BCL6: variants seen among roughly 807,000 people sequenced by gnomAD.
BCL6 encodes B-cell lymphoma 6 protein.
BCL6 carries 7 observed loss-of-function variants against 59.5 expected under a neutral mutation model. The observed-to-expected ratio is 0.12, with a 90% CI of 0.07 to 0.22. The LOEUF (loss-of-function observed/expected upper bound fraction) is 0.22. Among genes scored for constraint, BCL6 ranks in the 10% least tolerant of loss-of-function variants. The pLI is 1.00. For missense variants in BCL6, 685 were observed against 939.4 expected (o/e 0.73, Z 3.54); for synonymous variants, 339 against 349.7 (o/e 0.97, Z 0.34).
intron 6 of BCL6, among the ~76,000 whole-genome samples, chr3:187,727,824 A>C (rs1718798848): frequency 6.6e-6 from 1 of 152,160 alleles, no homozygotes; most frequent in Non-Finnish European, 1.5e-5. Context: ...TGTCTGGTAA[A>C]AACTGGGAAT....
intron 1 of BCL6, among the ~76,000 whole-genome samples, chr3:187,743,358 C>T (rs1301917709): frequency 1.3e-5 from 2 of 151,748 alleles, no homozygotes; most frequent in Non-Finnish European, 2.9e-5. Context: ...GGAGGGGGCG[C>T]GGAGTGGAGA....
At chr3:187,732,042 G>A (rs937767590) in intron 3 of BCL6, 112 bp from the exon 4 acceptor site, 15 of 839,304 alleles carry the variant, frequency 1.8e-5, no homozygotes, top group Middle Eastern at 3.0e-4. Flanking sequence ...GAACTTCTAC[G>A]GTAATTAATA....
intron 3 of BCL6, 34 bp downstream of exon 3, chr3:187,733,499 T>C (rs571324234): frequency 6.2e-7 from 1 of 1,605,360 alleles, no homozygotes; most frequent in Non-Finnish European, 8.5e-7. Context: ...CACCCCACTT[T>C]GACTTACCCA....
At chr3:187,724,760 G>T in intron 9 of BCL6, 181 bp downstream of exon 9, 1 of 825,674 alleles carries the variant, frequency 1.2e-6, no homozygotes, top group Non-Finnish European at 1.8e-6. Context: ...CAGGGTGTCT[G>T]GCCATTGGGC....
Position 187,721,764 on chromosome 3 carries a change from AAAATAC to A in BCL6, c.*688_*693del. ...TAAATTGTAAACCTTCACTTGCAAA[AAAATAC>A]AAATACACTGAGGCATTTTAGACAA... On this transcript the variant is annotated 3_prime_UTR_variant, in exon 10 of 10. Coordinates refer to ENST00000406870, the MANE Select transcript of BCL6 (RefSeq NM_001706.5). This position sits in a 1 kb window ranked among gnomAD's most constrained non-coding sequence, Gnocchi z 4.2. 1.3e-5 allele frequency: 3 copies of A among 231,852 alleles called. No individual in the cohort carries two copies. The highest frequency in any genetic ancestry group is 2.6e-5 in the Non-Finnish European group (3 of 117,042). 14.4% of individuals were successfully genotyped at this position (231,852 alleles called of 1,614,324 possible). A position where few individuals can be genotyped will look rare whatever the true frequency, so the allele number is the denominator to read the frequency against.
intron 1 of BCL6, among the ~76,000 whole-genome samples, chr3:187,744,290 A>C (rs1711764568): frequency 6.6e-6 from 1 of 152,066 alleles, no homozygotes; most frequent in Admixed American, 6.6e-5. Context: ...CCGCACACTG[A>C]AAGGCATCGC....
At chr3:187,727,276 C>T (rs1718758569) in intron 6 of BCL6, among the ~76,000 whole-genome samples, 1 of 152,218 alleles carries the variant, frequency 6.6e-6, no homozygotes, top group Non-Finnish European at 1.5e-5. Flanking sequence ...TACACAGAAG[C>T]CCTAGGGCAA....
At chr3:187,743,352 G>A (rs1560159993) in intron 1 of BCL6, among the ~76,000 whole-genome samples, 1 of 148,370 alleles carries the variant, frequency 6.7e-6, no homozygotes, top group Non-Finnish European at 1.5e-5. Flanking sequence ...CGGCGGGGAG[G>A]GGGCGCGGAG....
chr3:187,728,022 G>C (rs1281939082), intron 6 of BCL6, among the ~76,000 whole-genome samples: 1 of 152,160 alleles, frequency 6.6e-6, no homozygotes, highest in Admixed American at 6.5e-5. Context: ...CATGCACACA[G>C]GTCAGTCCTA....
At chr3:187,736,420 C>T (rs1719283801) in intron 1 of BCL6, 1 of 152,212 alleles carries the variant, frequency 6.6e-6, no homozygotes, top group South Asian at 2.1e-4. Flanking sequence ...ACTTTCCTCT[C>T]TTCCTTCATG....
Position 187,724,213 on chromosome 3 carries a change from G to A in BCL6, c.1977+728C>T, listed in dbSNP as rs146337354. ...AAAACGTACACAGATGAGCGTGGCTGTGTTCCAATAACCTTTTACTTAGGG... is the reference window on the plus strand; with the variant it reads ...AAAACGTACACAGATGAGCGTGGCTATGTTCCAATAACCTTTTACTTAGGG... On this transcript the variant is annotated intron_variant, in intron 9 of 9. Coordinates refer to ENST00000406870, the MANE Select transcript of BCL6 (RefSeq NM_001706.5). Among the ~76,000 whole-genome samples, 251 of 152,314 alleles carry A rather than the reference G, an allele frequency of 1.6e-3. 1 individual carries two copies. The highest frequency in any genetic ancestry group is 0.01 in the Middle Eastern group (3 of 294).
In BCL6 at chr3:187,728,406, A is replaced by C; in HGVS notation, c.1494T>G (p.Pro498=). The C allele has an allele frequency of 6.2e-7, 1 of 1,609,880 alleles. No individual in the cohort carries two copies. The highest frequency in any genetic ancestry group is 8.5e-7 in the Non-Finnish European group (1 of 1,178,208). ...MCLHTAGPTF[P]EEMGETQSEY... Reference sequence around the variant, plus strand: ...CAGACTGGGTCTCTCCCATCTCCTCAGGGAACGTGGGGCCAGCGGTGTGGA... The same window carrying C: ...CAGACTGGGTCTCTCCCATCTCCTCCGGGAACGTGGGGCCAGCGGTGTGGA... Residue 498 remains proline (P), a synonymous_variant, in exon 6 of 10, where the codon CCT becomes CCG. Transcript: ENST00000406870.
At chr3:187,745,153 C>T (rs555829850) in intron 1 of BCL6, among the ~76,000 whole-genome samples, 1 of 152,234 alleles carries the variant, frequency 6.6e-6, no homozygotes, top group Admixed American at 6.5e-5. Flanking sequence ...CAATCTATAT[C>T]CTATGGTGGG....
At chr3:187,738,474 C>G (rs1163638401) in intron 1 of BCL6, among the ~76,000 whole-genome samples, 2 of 152,234 alleles carry the variant, frequency 1.3e-5, no homozygotes, top group East Asian at 3.9e-4. Context: ...GTAAGGATTT[C>G]CGAATCCGAT....
At chr3:187,723,158 G>C (rs1409400890) in intron 9 of BCL6, among the ~76,000 whole-genome samples, 6 of 152,180 alleles carry the variant, frequency 3.9e-5, no homozygotes, top group African/African-American at 1.4e-4. Flanking sequence ...AGATCAGTCT[G>C]AATTCACGGA....
Position 187,722,013 on chromosome 3 carries a change from G to C in BCL6, c.*445C>G, listed in dbSNP as rs1171578799. Reference sequence around the variant, plus strand: ...CTCTGCCATATATTCCTTCACCTTTGGTTAAAAAAATTAAAGCCCTCTCTT... The same window carrying C: ...CTCTGCCATATATTCCTTCACCTTTCGTTAAAAAAATTAAAGCCCTCTCTT... On this transcript the variant is annotated 3_prime_UTR_variant, in exon 10 of 10. Coordinates refer to ENST00000406870, the MANE Select transcript of BCL6 (RefSeq NM_001706.5). The C allele has an allele frequency of 4.7e-6, 1 of 213,028 alleles. No homozygotes were observed. 13.2% of individuals were successfully genotyped at this position (213,028 alleles called of 1,614,324 possible).
chr3:187,733,836 A>G (rs1172116428), intron 2 of BCL6, 133 bp from the exon 3 acceptor site: 2 of 860,136 alleles, frequency 2.3e-6, no homozygotes, highest in Non-Finnish European at 3.8e-6. Context: ...ATCTTTGAAC[A>G]ATTCATAGTC....
chr3:187,741,818 C>T (rs535149852), intron 1 of BCL6, among the ~76,000 whole-genome samples: 1 of 152,332 alleles, frequency 6.6e-6, no homozygotes, highest in South Asian at 2.1e-4. Flanking sequence ...TACAGCATTT[C>T]CAGCCACTAT....
At chr3:187,724,272 T>C (rs1579802459) in intron 9 of BCL6, among the ~76,000 whole-genome samples, 1 of 152,200 alleles carries the variant, frequency 6.6e-6, no homozygotes, top group Admixed American at 6.5e-5. Context: ...AATTTGCATA[T>C]GGCACAAAAT....
Sources: gnomAD v4.1 joint callset for allele counts (sites outside exome capture counted in the v4.1 genomes callset) on GRCh38, gnomAD v4.1.1 for gene constraint, Gnocchi (gnomAD v3.1) non-coding constraint, MANE v1.5 for transcripts, NCBI Gene and HGNC (gene_info 2026-07-23, HGNC 2026-07-21) for gene names.